The following LIN52 variants were observed in gnomAD, a reference collection of about 807,000 sequenced individuals.
LIN52 encodes the protein lin-52 DREAM MuvB core complex component.
Under a neutral mutation model 18.5 loss-of-function variants are expected in LIN52, and 4 were observed. The observed-to-expected ratio is 0.22, with a 90% confidence interval of 0.11 to 0.49. The LOEUF (loss-of-function observed/expected upper bound fraction) is 0.49. LIN52 is among the 20% of genes least tolerant of loss of function. The probability of loss-of-function intolerance (pLI) is 0.97; values close to 1 mark genes in which losing one functional copy is unlikely to be tolerated. For missense variants in LIN52, 102 were observed against 139.5 expected (o/e 0.73, Z 1.35); for synonymous variants, 34 against 45.5 (o/e 0.75, Z 1.02).
At chr14:74,166,722 CT>C (rs1032765599) in intron 5 of LIN52, among the ~76,000 whole-genome samples, 3 of 152,122 alleles carry the variant, frequency 2.0e-5, no homozygotes, top group Non-Finnish European at 2.9e-5. Flanking sequence ...TTTTTCCCAT[CT>C]TTTTCCCTTG....
At chr14:74,171,445 A>C (rs1181760596) in intron 5 of LIN52, among the ~76,000 whole-genome samples, 1 of 151,872 alleles carries the variant, frequency 6.6e-6, no homozygotes, top group Non-Finnish European at 1.5e-5. Context: ...CAGAAAGATG[A>C]TTTTCCCAGT....
At position 74,201,214 on chromosome 14, in the gene LIN52, T is replaced by C. The variant is rs1047348415; in HGVS notation, c.*2237T>C. ...GTATGTGATGGTTTTTGTGTCTTCA[T>C]AATAAATATGTCCCTTTTACAGGAG... On this transcript the variant is annotated 3_prime_UTR_variant, in exon 6 of 6. Coordinates refer to ENST00000555028, the MANE Select transcript of LIN52 (RefSeq NM_001024674.3). 1 of 152,230 alleles carries C rather than the reference T, an allele frequency of 6.6e-6. No homozygotes were observed. Among genetic ancestry groups the C allele is most frequent in the Admixed American group, 6.5e-5 (1 of 15,284 alleles). 9.4% of individuals were successfully genotyped at this position (152,230 alleles called of 1,614,324 possible).
chr14:74,166,054 G>T (rs1027600630), intron 5 of LIN52, among the ~76,000 whole-genome samples: 1 of 149,846 alleles, frequency 6.7e-6, no homozygotes, highest in African/African-American at 2.5e-5. Flanking sequence ...ACCATTCCCG[G>T]CTAATTTTGT....
chr14:74,123,146 T>C (rs1322042672), intron 5 of LIN52, among the ~76,000 whole-genome samples: 1 of 152,226 alleles, frequency 6.6e-6, no homozygotes, highest in Non-Finnish European at 1.5e-5. Flanking sequence ...TCTGATCATA[T>C]TTACATTCTT....
In LIN52 at chr14:74,118,630, C is replaced by T. The variant is rs560681143; in HGVS notation, c.283+17392C>T. Among the ~76,000 whole-genome samples, 19 of 152,116 alleles carry T rather than the reference C, an allele frequency of 1.2e-4. No individual in the cohort carries two copies. In the South Asian group the frequency reaches 2.9e-3, roughly 23 times the overall value. On this transcript the variant is annotated intron_variant, in intron 5 of 5. Coordinates refer to ENST00000555028, the MANE Select transcript of LIN52 (RefSeq NM_001024674.3). ...GTCTACAAAAAATACAAAAATTAGC[C>T]GGGCCTGCTGGTGTACACCTGTAGT...
chr14:74,107,097 A>G (rs759001662), intron 5 of LIN52, among the ~76,000 whole-genome samples: 1 of 152,112 alleles, frequency 6.6e-6, no homozygotes, highest in African/African-American at 2.4e-5. Flanking sequence ...AGCTTCGGGA[A>G]ATTGTTCTTT....
At chr14:74,091,801 C>G (rs1046391064) in intron 2 of LIN52, among the ~76,000 whole-genome samples, 3 of 138,112 alleles carry the variant, frequency 2.2e-5, no homozygotes, top group African/African-American at 8.0e-5. Context: ...AAAAAAAGTT[C>G]TGATAACCCA....
chr14:74,179,358 G>A (rs186175461), intron 5 of LIN52, among the ~76,000 whole-genome samples: 2 of 152,164 alleles, frequency 1.3e-5, no homozygotes, highest in Admixed American at 6.5e-5. Context: ...TATAGTTTTG[G>A]TAAAAATTCT....
chr14:74,120,244 T>C (rs1303190234), intron 5 of LIN52, among the ~76,000 whole-genome samples: 3 of 152,240 alleles, frequency 2.0e-5, no homozygotes, highest in African/African-American at 7.2e-5. Context: ...GTAGCTTCCC[T>C]TTTAATTTTC....
chr14:74,140,681 C>A (rs1359865920), intron 5 of LIN52, among the ~76,000 whole-genome samples: 1 of 152,158 alleles, frequency 6.6e-6, no homozygotes, highest in Non-Finnish European at 1.5e-5. Context: ...AGAACCCGCA[C>A]GTGGCTGCCC....
chr14:74,110,911 A>G (rs1173471788), intron 5 of LIN52, among the ~76,000 whole-genome samples: 1 of 151,376 alleles, frequency 6.6e-6, no homozygotes, highest in Non-Finnish European at 1.5e-5. Flanking sequence ...GCTTGCAGTG[A>G]GCCGAGATCG....
chr14:74,100,723 G>A (rs1393760409), intron 4 of LIN52, among the ~76,000 whole-genome samples: 6 of 152,212 alleles, frequency 3.9e-5, no homozygotes, highest in South Asian at 2.1e-4. Flanking sequence ...TGATCTGCCC[G>A]CCTTGGCCTC....
At chr14:74,159,738 A>T (rs1171115016) in intron 5 of LIN52, among the ~76,000 whole-genome samples, 1 of 151,940 alleles carries the variant, frequency 6.6e-6, no homozygotes, top group Non-Finnish European at 1.5e-5. Flanking sequence ...CGCCCAGTTA[A>T]TTTTTGTATT....
intron 5 of LIN52, among the ~76,000 whole-genome samples, chr14:74,176,383 A>G (rs982766402): frequency 1.3e-5 from 2 of 152,082 alleles, no homozygotes; most frequent in African/African-American, 4.8e-5. Context: ...AAGTGCTAGG[A>G]TTACAGACAT....
At chr14:74,112,123 G>A (rs1282300997) in intron 5 of LIN52, among the ~76,000 whole-genome samples, 3 of 151,920 alleles carry the variant, frequency 2.0e-5, no homozygotes, top group African/African-American at 2.4e-5. Context: ...CAGGTGATCC[G>A]CCCACCTCGG....
chr14:74,180,505 G>A (rs1009183140), intron 5 of LIN52, among the ~76,000 whole-genome samples: 11 of 151,660 alleles, frequency 7.3e-5, no homozygotes, highest in African/African-American at 1.9e-4. Context: ...TGATCCACTC[G>A]CCTCGGCCTC....
chr14:74,115,129 G>C (rs2060956821), intron 5 of LIN52, among the ~76,000 whole-genome samples: 1 of 152,214 alleles, frequency 6.6e-6, no homozygotes, highest in East Asian at 1.9e-4. Flanking sequence ...GATTATATCA[G>C]CACTGGGATA....
chr14:74,158,258 T>C (rs982288994), intron 5 of LIN52, among the ~76,000 whole-genome samples: 6 of 151,018 alleles, frequency 4.0e-5, no homozygotes, highest in Non-Finnish European at 8.9e-5. Flanking sequence ...GGATTACAGG[T>C]GCGCGTCACA....
intron 4 of LIN52, among the ~76,000 whole-genome samples, chr14:74,099,011 A>G (rs1442009083): frequency 3.3e-5 from 5 of 152,226 alleles, no homozygotes; most frequent in African/African-American, 4.8e-5. Context: ...AAAGAATACT[A>G]TAAGTAGTGA....
Sources: gnomAD v4.1 joint callset for allele counts (sites outside exome capture counted in the v4.1 genomes callset) on GRCh38, gnomAD v4.1.1 for gene constraint, MANE v1.5 for transcripts, NCBI Gene and HGNC (gene_info 2026-07-23, HGNC 2026-07-21) for gene names.